The following FAR1 variants were observed in gnomAD, a reference collection of about 807,000 sequenced individuals.
FAR1 encodes the protein male sterility domain-containing protein 2.
In FAR1, 22 loss-of-function variants were observed where a neutral mutation model predicts 61.1. The observed-to-expected ratio is 0.36, with a 90% confidence interval of 0.26 to 0.51. The LOEUF (loss-of-function observed/expected upper bound fraction) is 0.51. Ranked by LOEUF, FAR1 falls within the 20% of genes least tolerant of loss-of-function variation. The pLI, the probability that FAR1 is intolerant of heterozygous loss-of-function variation, is 0.95. For missense variants in FAR1, 359 were observed against 626.9 expected (o/e 0.57, Z 4.56); for synonymous variants, 206 against 209.7 (o/e 0.98, Z 0.15).
intron 3 of FAR1, among the ~76,000 whole-genome samples, chr11:13,703,043 A>C (rs750543689): frequency 6.6e-6 from 1 of 152,216 alleles, no homozygotes; most frequent in Non-Finnish European, 1.5e-5. Flanking sequence ...ATTACATTGA[A>C]ATTATTTCTG....
chr11:13,712,659 A>C (rs1267970517), intron 7 of FAR1, among the ~76,000 whole-genome samples: 1 of 152,120 alleles, frequency 6.6e-6, no homozygotes, highest in Non-Finnish European at 1.5e-5. Flanking sequence ...TGAGACAAGA[A>C]GAGCTGAGGT....
chr11:13,689,899 A>G (rs1315596716), intron 1 of FAR1, among the ~76,000 whole-genome samples: 2 of 95,608 alleles, frequency 2.1e-5, no homozygotes, highest in African/African-American at 4.1e-5. Context: ...TTTTTGAGTT[A>G]GAGTCTTGCT....
chr11:13,670,553 A>G (rs773809190), intron 1 of FAR1, among the ~76,000 whole-genome samples: 1 of 152,108 alleles, frequency 6.6e-6, no homozygotes, highest in African/African-American at 2.4e-5. Flanking sequence ...CGGCCTCCCA[A>G]AGTGCTGGGA....
intron 2 of FAR1, among the ~76,000 whole-genome samples, chr11:13,699,201 C>T (rs924474771): frequency 4.6e-5 from 7 of 152,160 alleles, no homozygotes; most frequent in Non-Finnish European, 7.3e-5. Context: ...AGTTGTTTCT[C>T]CTATGCAGGC....
intron 1 of FAR1, among the ~76,000 whole-genome samples, chr11:13,682,972 T>C (rs1308608406): frequency 6.6e-6 from 1 of 152,178 alleles, no homozygotes; most frequent in East Asian, 1.9e-4. Context: ...TTTAAAGACA[T>C]GCAATCTAAT....
intron 1 of FAR1, among the ~76,000 whole-genome samples, chr11:13,685,297 G>GT (rs1176152425): frequency 6.9e-6 from 1 of 144,976 alleles, no homozygotes; most frequent in East Asian, 2.0e-4. Context: ...TTTTTTTTTT[G>GT]TTTTTTGAAA....
At chr11:13,726,475 T>C (rs978306775) in intron 10 of FAR1, among the ~76,000 whole-genome samples, 2 of 152,120 alleles carry the variant, frequency 1.3e-5, no homozygotes, top group African/African-American at 4.8e-5. Flanking sequence ...TTAGGACTTA[T>C]TTTCATTGCG....
intron 5 of FAR1, among the ~76,000 whole-genome samples, chr11:13,711,546 A>G (rs886951316): frequency 6.6e-6 from 1 of 152,164 alleles, no homozygotes; most frequent in South Asian, 2.1e-4. Flanking sequence ...AGTAGTAGGT[A>G]GCCCTTTGAA....
At chr11:13,683,169 G>A (rs1848147014) in intron 1 of FAR1, among the ~76,000 whole-genome samples, 1 of 152,108 alleles carries the variant, frequency 6.6e-6, no homozygotes, top group African/African-American at 2.4e-5. Flanking sequence ...GAGGCAGGTG[G>A]ATTTTTTGAG....
In FAR1 at chr11:13,700,299, A is replaced by C. The variant is rs780637729; in HGVS notation, c.190-18A>C. 1 of 1,545,588 alleles carries C rather than the reference A, an allele frequency of 6.5e-7. No homozygotes were observed. On this transcript the variant is annotated intron_variant, in intron 2 of 11. Coordinates refer to ENST00000354817, the MANE Select transcript of FAR1 (RefSeq NM_032228.6). ...GGAAAAATACTGCTGTAAAATAAAT[A>C]TTTTTCCCTCTTGATAGCTTTTTGA...
chr11:13,697,975 T>G (rs1406693), intron 2 of FAR1, among the ~76,000 whole-genome samples: 148,079 of 152,072 alleles, frequency 0.97, 72,226 homozygotes, highest in East Asian at 1. Context: ...TAGGATCTTG[T>G]GTCCTTATTA....
chr11:13,703,958 C>G (rs1216641468), intron 3 of FAR1, among the ~76,000 whole-genome samples: 2 of 149,728 alleles, frequency 1.3e-5, no homozygotes, highest in Non-Finnish European at 3.0e-5. Context: ...GCAGAAGAAT[C>G]ACTTGAACCT....
At chr11:13,697,003 T>G (rs188332379) in intron 2 of FAR1, among the ~76,000 whole-genome samples, 69 of 152,324 alleles carry the variant, frequency 4.5e-4, no homozygotes, top group African/African-American at 1.6e-3. Context: ...GGTAGGGTTA[T>G]CAGCAGCATT....
intron 3 of FAR1, 56 bp downstream of exon 3, chr11:13,700,548 C>T (rs1848360280): frequency 9.2e-7 from 1 of 1,089,516 alleles, no homozygotes; most frequent in Non-Finnish European, 1.2e-6. Flanking sequence ...TAAAAAATCT[C>T]ATTTTAATTC....
chr11:13,710,618 C>T (rs1033031592), intron 4 of FAR1, 75 bp from the exon 5 acceptor site: 21 of 1,277,912 alleles, frequency 1.6e-5, no homozygotes, highest in African/African-American at 3.1e-5. Context: ...TTTGAATGTG[C>T]GAAGTTCAAT....
intron 1 of FAR1, among the ~76,000 whole-genome samples, chr11:13,680,714 A>G (rs1848118006): frequency 1.3e-5 from 2 of 152,108 alleles, no homozygotes; most frequent in South Asian, 4.1e-4. Flanking sequence ...GAGAACGCTT[A>G]GTGGCACCAA....
At chr11:13,678,583 C>G (rs1327737419) in intron 1 of FAR1, among the ~76,000 whole-genome samples, 3 of 152,114 alleles carry the variant, frequency 2.0e-5, no homozygotes, top group African/African-American at 7.2e-5. Context: ...ATTTATAGTC[C>G]ATCAGGAGGC....
At chr11:13,727,470 C>G (rs1423653535) in intron 10 of FAR1, 86 bp from the exon 11 acceptor site, 1 of 1,212,184 alleles carries the variant, frequency 8.2e-7, no homozygotes, top group African/African-American at 1.6e-5. Flanking sequence ...TCACTTGGAA[C>G]TGGCCTTTAG....
At chr11:13,670,452 C>T (rs753972618) in intron 1 of FAR1, among the ~76,000 whole-genome samples, 5 of 151,960 alleles carry the variant, frequency 3.3e-5, no homozygotes, top group Non-Finnish European at 4.4e-5. Context: ...CCCACCGCAC[C>T]GGCTAATTTT....
Sources: gnomAD v4.1 joint callset for allele counts (sites outside exome capture counted in the v4.1 genomes callset) on GRCh38, gnomAD v4.1.1 for gene constraint, MANE v1.5 for transcripts, NCBI Gene and HGNC (gene_info 2026-07-23, HGNC 2026-07-21) for gene names.